PUM1: variants seen among roughly 807,000 people sequenced by gnomAD.
The protein encoded by PUM1 is pumilio RNA binding family member 1, also known as pumilio homolog 1.
Under a neutral mutation model 131.8 loss-of-function variants are expected in PUM1, and 13 were observed. The ratio of observed to expected loss-of-function variants is 0.10; its 90% CI spans 0.06 to 0.16. The LOEUF is 0.16. PUM1 is among the 10% of genes least tolerant of loss of function. The pLI is 1.00. For synonymous variants in PUM1, 509 were observed against 556.5 expected (o/e 0.91, Z 1.20); for missense variants, 961 against 1,512.4 (o/e 0.64, Z 6.05).
At chr1:31,043,547 T>C (rs969862209) in intron 2 of PUM1, among the ~76,000 whole-genome samples, 2 of 152,146 alleles carry the variant, frequency 1.3e-5, no homozygotes, top group African/African-American at 4.8e-5. Context: ...TAAATACATA[T>C]AATAACCAAG....
intron 2 of PUM1, among the ~76,000 whole-genome samples, chr1:31,046,015 G>T (rs920416043): frequency 2.0e-5 from 3 of 152,022 alleles, no homozygotes; most frequent in Admixed American, 6.6e-5. Flanking sequence ...CCAGGAGGTG[G>T]AGATTGCAGT....
chr1:31,017,446 C>G (rs1276709372), intron 3 of PUM1, among the ~76,000 whole-genome samples: 1 of 152,066 alleles, frequency 6.6e-6, no homozygotes, highest in Non-Finnish European at 1.5e-5. Flanking sequence ...CAGCCCAGAA[C>G]TGCTTTGAAT....
intron 2 of PUM1, among the ~76,000 whole-genome samples, chr1:31,038,960 A>T (rs1296595356): frequency 4.1e-5 from 1 of 24,202 alleles, no homozygotes; most frequent in Non-Finnish European, 6.7e-5. Flanking sequence ...TTAAAATTTT[A>T]TATATATATA....
chr1:31,006,462 T>C (rs903519405), intron 4 of PUM1, among the ~76,000 whole-genome samples: 3 of 152,178 alleles, frequency 2.0e-5, no homozygotes, highest in African/African-American at 4.8e-5. Context: ...ACATTGGCTT[T>C]TGGGTTTTCT....
chr1:31,022,402 T>C (rs1643061756), intron 3 of PUM1, among the ~76,000 whole-genome samples: 1 of 152,220 alleles, frequency 6.6e-6, no homozygotes. Context: ...TGCAAGAGTA[T>C]GATTTGCTGC....
At chr1:30,944,139 C>T (rs968683719) in intron 18 of PUM1, among the ~76,000 whole-genome samples, 1 of 152,142 alleles carries the variant, frequency 6.6e-6, no homozygotes, top group African/African-American at 2.4e-5. Context: ...AACTCAGAAA[C>T]TCCCAATAAC....
At chr1:31,027,242 T>C (rs1289614370) in intron 3 of PUM1, among the ~76,000 whole-genome samples, 1 of 152,120 alleles carries the variant, frequency 6.6e-6, no homozygotes, top group African/African-American at 2.4e-5. Flanking sequence ...CCAAGATTAG[T>C]CTGGACAACA....
intron 2 of PUM1, among the ~76,000 whole-genome samples, chr1:31,045,495 T>C (rs1643929876): frequency 6.6e-6 from 1 of 152,144 alleles, no homozygotes; most frequent in Non-Finnish European, 1.5e-5. Context: ...ACACCTGTAA[T>C]ACCAGCACTT....
rs1640551931 is a variant in PUM1 at position 30,964,708 on chromosome 1, G to A, written c.2289C>T (p.Leu763=). The change falls in exon 14 of 22, where the codon CTC becomes CTT. Residue 763 remains leucine, a synonymous_variant. Transcript: ENST00000426105. ...PGHSQTPPPS[L]SSHGSSSSLN... ...AGCTTGAAGAGGATCCATGTGAAGA[G>A]AGGGAAGGAGGTGGTGTCTGTGAAT... is the stretch of plus-strand genomic sequence containing the variant. The A allele has an allele frequency of 6.2e-7, 1 of 1,613,812 alleles. No individual in the cohort carries two copies. Among genetic ancestry groups the A allele is most frequent in the Non-Finnish European group, 8.5e-7 (1 of 1,179,780 alleles).
chr1:31,057,259 C>T (rs1202401821), intron 2 of PUM1, among the ~76,000 whole-genome samples: 2 of 151,764 alleles, frequency 1.3e-5, no homozygotes, highest in South Asian at 2.1e-4. Context: ...CAAAAGTAGC[C>T]GGGTGTAGTG....
At chr1:30,999,188 T>A (rs1018656431) in intron 5 of PUM1, among the ~76,000 whole-genome samples, 1 of 152,132 alleles carries the variant, frequency 6.6e-6, no homozygotes, top group Admixed American at 6.5e-5. Flanking sequence ...TTTGTAGAGA[T>A]GGGGTCTTGC....
At chr1:30,934,295 A>AG (rs1639105547) in intron 21 of PUM1, among the ~76,000 whole-genome samples, 1 of 152,214 alleles carries the variant, frequency 6.6e-6, no homozygotes, top group African/African-American at 2.4e-5. Context: ...CCATATAAAC[A>AG]GTAAAGGACC....
intron 2 of PUM1, chr1:31,037,302 G>A (rs12058159): frequency 0.28 from 42,491 of 152,200 alleles, 7,564 homozygotes; most frequent in East Asian, 0.53. Flanking sequence ...CTCTGCTGAC[G>A]TGACAGAAAC....
intron 3 of PUM1, among the ~76,000 whole-genome samples, chr1:31,007,342 A>G (rs1570258261): frequency 6.6e-6 from 1 of 152,184 alleles, no homozygotes; most frequent in African/African-American, 2.4e-5. Context: ...CATCCAATAG[A>G]GGCTGAACTT....
chr1:30,952,685 G>GGA, intron 15 of PUM1, among the ~76,000 whole-genome samples: 1 of 38,290 alleles, frequency 2.6e-5, no homozygotes, highest in Non-Finnish European at 4.3e-5. Context: ...GGGGGGGGCG[G>GGA]GGGGGGGGCG....
In PUM1 at chr1:30,941,780, T is replaced by G. The variant is rs1639446876; in HGVS notation, c.3120+218A>C. 1.1e-5 allele frequency: 5 copies of G among 448,280 alleles called. No individual in the cohort carries two copies. The Admixed American group carries it at 1.4e-4, about 12-fold the overall frequency. 27.8% of individuals were successfully genotyped at this position (448,280 alleles called of 1,614,324 possible). On this transcript the variant is annotated intron_variant, in intron 19 of 21. Transcript: ENST00000426105. ...ACACCACAAGTACATGACAGAGTTC[T>G]GGAAGTCAGATCTCCTGACTCCAGG...
intron 11 of PUM1, among the ~76,000 whole-genome samples, 160 bp from the exon 12 acceptor site, chr1:30,967,470 C>CA (rs1640669347): frequency 6.6e-6 from 1 of 152,116 alleles, no homozygotes; most frequent in Non-Finnish European, 1.5e-5. Context: ...ACAGAGGCTA[C>CA]AAATGATTAT....
In PUM1 at chr1:30,974,746, C is replaced by A; in HGVS notation, c.1411G>T (p.Ala471Ser). The A allele has an allele frequency of 6.2e-7, 1 of 1,612,952 alleles. No individual in the cohort carries two copies. The highest frequency in any genetic ancestry group is 1.1e-5 in the South Asian group (1 of 90,878). The change falls in exon 10 of 22, where the codon GCC (alanine) becomes TCC (serine). Residue 471 changes from alanine to serine, a missense_variant. This residue lies in a region of PUM1 where 654 missense variants were observed against 923.9 expected (regional missense o/e 0.71). Coordinates refer to ENST00000426105, the MANE Select transcript of PUM1 (RefSeq NM_001020658.2). ...YGVTPWGVYP[A>S]SLFQQQAAAA... is the part of the protein sequence containing the mutation. ...GCAGCTTGCTGCTGGAAAAGACTGG[C>A]AGGGTAGACTCCCCAGGGAGTAACT...
chr1:31,059,507 G>C lies in PUM1; in HGVS notation c.60C>G (p.Pro20=), dbSNP rs548852369. Residue 20 remains proline, a synonymous_variant, in exon 2 of 22, where the codon CCC becomes CCG. Transcript: ENST00000426105. The part of the protein sequence containing the change: ...KAVLWQDSFS[P]HLKHHPQEPA... ...GTTCTTGAGGGTGATGTTTCAGGTGGGGGCTGAAAGAGTCCTGCCAAAGCA... is the reference window on the plus strand; with the variant it reads ...GTTCTTGAGGGTGATGTTTCAGGTGCGGGCTGAAAGAGTCCTGCCAAAGCA... 6 of 1,614,078 alleles carry C rather than the reference G, an allele frequency of 3.7e-6. No homozygotes were observed. In the Admixed American group the frequency reaches 6.7e-5, roughly 18 times the overall value.
Sources: gnomAD v4.1 joint callset for allele counts (sites outside exome capture counted in the v4.1 genomes callset) on GRCh38, gnomAD v4.1.1 for gene constraint, gnomAD v4.1.1 regional missense constraint, MANE v1.5 for transcripts, NCBI Gene and HGNC (gene_info 2026-07-23, HGNC 2026-07-21) for gene names.